NRXN2: variants seen among roughly 807,000 people sequenced by gnomAD.
NRXN2 encodes neurexin-2-beta.
Under a neutral mutation model 128.8 loss-of-function variants are expected in NRXN2, and 29 were observed. The observed-to-expected ratio is 0.23, with a 90% confidence interval of 0.17 to 0.31. NRXN2 has a LOEUF of 0.31. Ranked by LOEUF, NRXN2 falls within the 10% of genes least tolerant of loss-of-function variation. The probability of loss-of-function intolerance (pLI) is 1.00; values close to 1 mark genes in which losing one functional copy is unlikely to be tolerated. For synonymous variants in NRXN2, 1,098 were observed against 1,075.2 expected, an observed-to-expected ratio of 1.02 and a Z score of -0.41; for missense variants, 1,881 against 2,452.6, an observed-to-expected ratio of 0.77 and a Z score of 4.92.
chr11:64,675,923 C>T (rs2051249180), intron 7 of NRXN2: 1 of 154,494 alleles, frequency 6.5e-6, no homozygotes, highest in Non-Finnish European at 1.4e-5. Context: ...CACACAGTCA[C>T]ACCCACACAC....
chr11:64,683,619 CAAAAAAAA>C (rs146075955), intron 6 of NRXN2, among the ~76,000 whole-genome samples: 1 of 75,684 alleles, frequency 1.3e-5, no homozygotes, highest in African/African-American at 3.5e-5. Flanking sequence ...GACTCCATCT[CAAAAAAAA>C]AAAAAAAAAG....
intron 1 of NRXN2, among the ~76,000 whole-genome samples, chr11:64,716,129 C>G (rs1441812077): frequency 6.6e-6 from 1 of 152,246 alleles, no homozygotes; most frequent in Non-Finnish European, 1.5e-5. Flanking sequence ...CTGGCCTGGC[C>G]TAGCCTCTGT....
chr11:64,697,584 C>T (rs1358434452), intron 3 of NRXN2, among the ~76,000 whole-genome samples, 191 bp downstream of exon 3: 3 of 152,112 alleles, frequency 2.0e-5, no homozygotes, highest in African/African-American at 4.8e-5. Flanking sequence ...TCAGCAGCTC[C>T]CCCGAAACTC....
chr11:64,688,339 A>G, intron 5 of NRXN2: 2 of 985,452 alleles, frequency 2.0e-6, no homozygotes, highest in Non-Finnish European at 2.4e-6. Flanking sequence ...CCTGAGGAGC[A>G]GCCAAAGAGA....
chr11:64,609,070 C>T (rs912096751), intron 22 of NRXN2, among the ~76,000 whole-genome samples: 5 of 151,752 alleles, frequency 3.3e-5, no homozygotes, highest in Non-Finnish European at 7.4e-5. Context: ...AGTTGGATAC[C>T]ACTGGAGCAG....
At chr11:64,647,114 T>A (rs570116560) in intron 17 of NRXN2, among the ~76,000 whole-genome samples, 1 of 152,212 alleles carries the variant, frequency 6.6e-6, no homozygotes, top group East Asian at 1.9e-4. Flanking sequence ...AGGCACTGAC[T>A]GGAGTCTCAC....
Position 64,648,657 on chromosome 11 carries a change from C to G in NRXN2, c.3283+77G>C, listed in dbSNP as rs568322050. The G allele has an allele frequency of 6.3e-7, 1 of 1,580,726 alleles. No individual in the cohort carries two copies. The highest frequency in any genetic ancestry group is 1.3e-5 in the African/African-American group (1 of 74,322). On this transcript the variant is annotated intron_variant, in intron 16 of 22. Coordinates refer to ENST00000265459, the MANE Select transcript of NRXN2 (RefSeq NM_015080.4). The surrounding 1 kb of genome is among the most constrained non-coding windows in gnomAD (Gnocchi z 4.1). The stretch of plus-strand genomic sequence containing the variant: ...AGGCCCCTTGGCAGAGCAAAGGCTA[C>G]CTGCCCCGGTCTGCCTCTGCAGCTG...
intron 1 of NRXN2, among the ~76,000 whole-genome samples, chr11:64,716,257 CCAAG>C (rs2057300896): frequency 1.3e-5 from 2 of 152,200 alleles, no homozygotes; most frequent in South Asian, 4.1e-4. Flanking sequence ...CCAGTCATCC[CCAAG>C]CTCAGAACAG....
At chr11:64,649,020 A>G in intron 15 of NRXN2, 113 bp from the exon 16 acceptor site, 1 of 1,082,394 alleles carries the variant, frequency 9.2e-7, no homozygotes, top group Non-Finnish European at 1.4e-6. Context: ...GTTCCATCCC[A>G]GATTCCAGGT....
At chr11:64,647,055 A>G (rs937757626) in intron 17 of NRXN2, among the ~76,000 whole-genome samples, 1 of 152,178 alleles carries the variant, frequency 6.6e-6, no homozygotes, top group Admixed American at 6.5e-5. Flanking sequence ...TAAGAAACTC[A>G]GGACTCATGC....
At position 64,635,575 on chromosome 11, in the gene NRXN2, A is replaced by T; in HGVS notation, c.3404-123T>A. 4.5e-6 allele frequency: 5 copies of T among 1,108,352 alleles called. No homozygotes were observed. The South Asian group carries it at 6.7e-5, about 15-fold the overall frequency. 68.7% of individuals were successfully genotyped at this position (1,108,352 alleles called of 1,614,324 possible). ...CTAGATGTGGGACTTCAGCTGTGAT[A>T]CCCACAGCAGCCACCAGCCCTGCCA... On this transcript the variant is annotated intron_variant, in intron 17 of 22. Transcript: ENST00000265459. The surrounding 1 kb of genome is among the most constrained non-coding windows in gnomAD (Gnocchi z 4.8).
Position 64,626,686 on chromosome 11 carries a change from A to C in NRXN2, c.3758-134T>G, listed in dbSNP as rs1176258520. 6.6e-6 allele frequency: 5 copies of C among 762,156 alleles called. No individual in the cohort carries two copies. In the Admixed American group the frequency reaches 7.3e-5, roughly 11 times the overall value. The allele number at this position is 762,156 out of a possible 1,614,324, so 47.2% of individuals were successfully genotyped here. Reference sequence around the variant, plus strand: ...CGGAAAGAGGGGAAGGGAGGAAAAGAAACGCTGGGCCCCTCTTTTCCCTTG... The same window carrying C: ...CGGAAAGAGGGGAAGGGAGGAAAAGCAACGCTGGGCCCCTCTTTTCCCTTG... On this transcript the variant is annotated intron_variant, in intron 19 of 22. Transcript: ENST00000265459.
intron 17 of NRXN2, among the ~76,000 whole-genome samples, chr11:64,645,731 T>C (rs1389988291): frequency 6.6e-6 from 1 of 151,978 alleles, no homozygotes; most frequent in Non-Finnish European, 1.5e-5. Context: ...AGGTGGTAAG[T>C]GGGGAAAAGT....
chr11:64,696,359 C>T (rs535773337), intron 3 of NRXN2, among the ~76,000 whole-genome samples: 1 of 152,068 alleles, frequency 6.6e-6, no homozygotes, highest in Non-Finnish European at 1.5e-5. Context: ...GAAATGTGGG[C>T]CACACCACAT....
intron 5 of NRXN2, chr11:64,688,871 G>A: frequency 3.2e-6 from 3 of 927,680 alleles, no homozygotes; most frequent in African/African-American, 1.8e-5. Context: ...GCCCCCCTCC[G>A]CCCTCCCTAC....
At chr11:64,650,328 GA>G in intron 15 of NRXN2, 119 bp downstream of exon 15, 1 of 999,382 alleles carries the variant, frequency 1.0e-6, no homozygotes. Context: ...GACAGGGAAA[GA>G]GAGGTGGAAA....
intron 7 of NRXN2, among the ~76,000 whole-genome samples, chr11:64,673,009 TAAC>T (rs1309867437): frequency 6.6e-6 from 1 of 152,102 alleles, no homozygotes; most frequent in African/African-American, 2.4e-5. Flanking sequence ...GACAGGAGTT[TAAC>T]AACTGTCGCT....
chr11:64,699,820 T>C (rs991138419), intron 2 of NRXN2, among the ~76,000 whole-genome samples: 1 of 152,194 alleles, frequency 6.6e-6, no homozygotes, highest in African/African-American at 2.4e-5. Flanking sequence ...TGTGCCAGGA[T>C]TTCTTTGGTC....
At chr11:64,639,552 C>T (rs1045511042) in intron 17 of NRXN2, among the ~76,000 whole-genome samples, 2 of 152,162 alleles carry the variant, frequency 1.3e-5, no homozygotes, top group South Asian at 2.1e-4. Flanking sequence ...GGATCCAGGA[C>T]CAGGAGAGTG....
Sources: gnomAD v4.1 joint callset for allele counts (sites outside exome capture counted in the v4.1 genomes callset) on GRCh38, gnomAD v4.1.1 for gene constraint, Gnocchi (gnomAD v3.1) non-coding constraint, MANE v1.5 for transcripts, NCBI Gene and HGNC (gene_info 2026-07-23, HGNC 2026-07-21) for gene names.